The following HAGH variants were observed in gnomAD, a reference collection of about 807,000 sequenced individuals.
HAGH encodes the protein hydroxyacylglutathione hydrolase, also known as hydroxyacylglutathione hydrolase, mitochondrial.
Under a neutral mutation model 35.1 loss-of-function variants are expected in HAGH, and 29 were observed. That is an observed-to-expected ratio of 0.83 (90% CI 0.62 to 1.13). The LOEUF is 1.13. Ranked by LOEUF, HAGH falls within the 50% of genes most tolerant of loss-of-function variation. HAGH has a pLI of 0.00. For synonymous variants in HAGH, 225 were observed against 176.1 expected (o/e 1.28, Z -2.20); for missense variants, 478 against 419.6 (o/e 1.14, Z -1.22).
chr16:1,819,626 C>T (rs1898055269), intron 4 of HAGH, among the ~76,000 whole-genome samples: 1 of 152,262 alleles, frequency 6.6e-6, no homozygotes, highest in Admixed American at 6.5e-5. Context: ...GCCCTCCCAC[C>T]TGTGTGCTGT....
intron 5 of HAGH, 148 bp from the exon 6 acceptor site, chr16:1,817,419 C>T (rs1897955619): frequency 3.1e-6 from 2 of 647,846 alleles, no homozygotes; most frequent in African/African-American, 1.8e-5. Context: ...AGACTCAGCC[C>T]CCCTGCATTC....
intron 4 of HAGH, 113 bp downstream of exon 4, chr16:1,819,784 A>C (rs931027549): frequency 1.3e-6 from 1 of 740,896 alleles, no homozygotes; most frequent in Admixed American, 2.0e-5. Context: ...AGGACCACTG[A>C]GAGCACTCCC....
chr16:1,827,007 C>CG (rs1898472679), upstream of HAGH: 3 of 661,132 alleles, frequency 4.5e-6, no homozygotes, highest in Non-Finnish European at 7.1e-6. Context: ...GGCGGCGGCC[C>CG]GAGAGCTGCG....
chr16:1,826,713 G>C lies in HAGH; in HGVS notation c.75C>G (p.Leu25=). Residue 25 remains leucine, a splice_region_variant and synonymous_variant, in exon 1 of 9, where the codon CTC becomes CTG. Transcript: ENST00000397356. The part of the protein sequence containing the change: ...ALGAACARRG[L]GPALLGVFCH... ...CCCGCACCGCCCCGCCGCACCCACC[G>C]AGGCCTCGGCGGGCGCAGGCGGCTC... The C allele has an allele frequency of 9.0e-7, 1 of 1,111,956 alleles. No individual in the cohort carries two copies. Among genetic ancestry groups the C allele is most frequent in the Non-Finnish European group, 1.1e-6 (1 of 911,716 alleles). 68.9% of individuals were successfully genotyped at this position (1,111,956 alleles called of 1,614,324 possible). A position where few individuals can be genotyped will look rare whatever the true frequency, so the allele number is the denominator to read the frequency against.
chr16:1,814,767 G>A (rs965730445), intron 7 of HAGH, among the ~76,000 whole-genome samples: 13 of 151,914 alleles, frequency 8.6e-5, no homozygotes, highest in East Asian at 2.0e-4. Flanking sequence ...GCGTGGTGAC[G>A]GGCACCTGTA....
At chr16:1,815,794 G>A (rs1483803805) in intron 7 of HAGH, among the ~76,000 whole-genome samples, 3 of 152,082 alleles carry the variant, frequency 2.0e-5, no homozygotes, top group African/African-American at 4.8e-5. Context: ...CAAGGCAGGC[G>A]GATTACCTGA....
Position 1,819,103 on chromosome 16 carries a change from T to A in HAGH, c.541+12A>T. ...GAAGAACCCCCGCCCCCACCCACAC[T>A]CGAACACGCACCTGTGAACACGGCA... On this transcript the variant is annotated intron_variant, in intron 5 of 8. Coordinates refer to ENST00000397356, the MANE Select transcript of HAGH (RefSeq NM_005326.6). The A allele has an allele frequency of 6.5e-7, 1 of 1,546,308 alleles. No homozygotes were observed.
At chr16:1,822,251 G>A in intron 3 of HAGH, 49 bp downstream of exon 3, 1 of 1,273,002 alleles carries the variant, frequency 7.9e-7, no homozygotes, top group Non-Finnish European at 1.1e-6. Context: ...ACCCACCGGG[G>A]CGAGAAGTGA....
chr16:1,824,886 C>T (rs1898325831), intron 1 of HAGH, among the ~76,000 whole-genome samples: 1 of 152,188 alleles, frequency 6.6e-6, no homozygotes, highest in Non-Finnish European at 1.5e-5. Context: ...TCAGCACCAC[C>T]CCAGCCCAAG....
intron 1 of HAGH, 71 bp downstream of exon 1, chr16:1,826,641 G>T: frequency 1.0e-6 from 1 of 967,254 alleles, no homozygotes; most frequent in South Asian, 4.6e-5. Context: ...GCCAAACGAC[G>T]GCCCGGCGCC....
chr16:1,817,106 G>C, intron 6 of HAGH, 62 bp downstream of exon 6: 1 of 1,356,086 alleles, frequency 7.4e-7, no homozygotes, highest in South Asian at 1.2e-5. Flanking sequence ...TGCCAGGAGG[G>C]AGAGCAGCCC....
rs546636809 is a variant in HAGH, at chr16:1,819,728, T to C, written c.432+169A>G. On this transcript the variant is annotated intron_variant, in intron 4 of 8. Transcript: ENST00000397356. Reference sequence around the variant, plus strand: ...CCGCACACAGCCGCGTTTTGCACACTCCTCTCCTTGTGCCTAGACAGAGAA... The same window carrying C: ...CCGCACACAGCCGCGTTTTGCACACCCCTCTCCTTGTGCCTAGACAGAGAA... 1.6e-5 allele frequency: 10 copies of C among 641,006 alleles called. No individual in the cohort carries two copies. The South Asian group carries it at 1.8e-4, about 11-fold the overall frequency. 39.7% of individuals were successfully genotyped at this position (641,006 alleles called of 1,614,324 possible).
At position 1,824,975 on chromosome 16, in the gene HAGH, G is replaced by C. The variant is rs567685502; in HGVS notation, c.76+1737C>G. Among the ~76,000 whole-genome samples, 4 of 152,306 alleles carry C rather than the reference G, an allele frequency of 2.6e-5. No homozygotes were observed. In the South Asian group the frequency reaches 8.3e-4, roughly 32 times the overall value. ...GTTGTGACAGGATTCCGAGTGCCGG[G>C]CGTCCTCCTGGAAAGGAGCTCCATT... On this transcript the variant is annotated intron_variant, in intron 1 of 8. Transcript: ENST00000397356.
chr16:1,820,693 G>A (rs891301390), intron 3 of HAGH, among the ~76,000 whole-genome samples: 1 of 152,154 alleles, frequency 6.6e-6, no homozygotes, highest in East Asian at 1.9e-4. Context: ...TGATATCACA[G>A]ACTCCTTCGT....
Position 1,826,700 on chromosome 16 carries a change from C to G in HAGH, c.76+12G>C. 1.9e-6 allele frequency: 2 copies of G among 1,064,184 alleles called. No individual in the cohort carries two copies. Among genetic ancestry groups the G allele is most frequent in the Non-Finnish European group, 2.3e-6 (2 of 880,954 alleles). The allele number at this position is 1,064,184 out of a possible 1,614,324, so 65.9% of individuals were successfully genotyped here. A position where few individuals can be genotyped will look rare whatever the true frequency, so the allele number is the denominator to read the frequency against. On this transcript the variant is annotated intron_variant, in intron 1 of 8. Coordinates refer to ENST00000397356, the MANE Select transcript of HAGH (RefSeq NM_005326.6). ...CCGCGTCCCCCGGCCCGCACCGCCC[C>G]GCCGCACCCACCGAGGCCTCGGCGG... is the stretch of plus-strand genomic sequence containing the variant.
At chr16:1,825,375 G>A (rs1206014362) in intron 1 of HAGH, among the ~76,000 whole-genome samples, 1 of 152,174 alleles carries the variant, frequency 6.6e-6, no homozygotes, top group African/African-American at 2.4e-5. Context: ...ACCCAGGGAG[G>A]TGCCTTTATT....
At chr16:1,810,856 A>G (rs1897617252) in intron 7 of HAGH, 1 of 152,240 alleles carries the variant, frequency 6.6e-6, no homozygotes, top group Non-Finnish European at 1.5e-5. Flanking sequence ...GGTAGATGCC[A>G]AGATGGTTTC....
Position 1,822,878 on chromosome 16 carries a change from A to G in HAGH, c.236T>C (p.Val79Ala). Residue 79 changes from valine to alanine, a missense_variant, in exon 2 of 9, where the codon GTG becomes GCG. Val to Ala is a moderately conservative substitution (Grantham distance 64). Transcript: ENST00000397356. ...ETKEAAIVDPVQPQKVVDAAR... is the reference protein window; with the variant it reads ...ETKEAAIVDPAQPQKVVDAAR... ...AGCCATGCGCACCTTCTGGGGCTGCACCGGATCCACAATGGCAGCCTCCTT... is the reference window on the plus strand; with the variant it reads ...AGCCATGCGCACCTTCTGGGGCTGCGCCGGATCCACAATGGCAGCCTCCTT... 6.2e-7 allele frequency: 1 copy of G among 1,613,640 alleles called. No individual in the cohort carries two copies. Among genetic ancestry groups the G allele is most frequent in the Non-Finnish European group, 8.5e-7 (1 of 1,179,882 alleles).
chr16:1,822,998 C>T lies in HAGH; in HGVS notation c.116G>A (p.Arg39Gln), dbSNP rs200691678. 26 of 1,613,820 alleles carry T rather than the reference C, an allele frequency of 1.6e-5. No homozygotes were observed. The highest frequency in any genetic ancestry group is 1.7e-4 in the Middle Eastern group (1 of 6,054). The change falls in exon 2 of 9, where the codon CGG becomes CAG. Residue 39 changes from arginine to glutamine, a missense_variant. Transcript: ENST00000397356. The part of the protein sequence containing the change: ...LLGVFCHTDL[R>Q]KNLTVDEGTM... The stretch of plus-strand genomic sequence containing the variant: ...GCCCTCGTCCACGGTCAGGTTCTTC[C>T]GCAAATCTGTGTGGCAGAAAACTCC...
Sources: gnomAD v4.1 joint callset for allele counts (sites outside exome capture counted in the v4.1 genomes callset) on GRCh38, gnomAD v4.1.1 for gene constraint, MANE v1.5 for transcripts, NCBI Gene and HGNC (gene_info 2026-07-23, HGNC 2026-07-21) for gene names.